Variants in PLCB1 observed in about 807,000 individuals in gnomAD.
The protein encoded by PLCB1 is 1-phosphatidylinositol 4,5-bisphosphate phosphodiesterase beta-1.
In PLCB1, 46 loss-of-function variants were observed where a neutral mutation model predicts 161.8. The ratio of observed to expected loss-of-function variants is 0.28; its 90% CI spans 0.22 to 0.36. PLCB1 has a LOEUF of 0.36. PLCB1 is among the 10% of genes least tolerant of loss of function. The pLI, the probability that PLCB1 is intolerant of heterozygous loss-of-function variation, is 1.00. For synonymous variants in PLCB1, 517 were observed against 503.7 expected, an observed-to-expected ratio of 1.03 and a Z score of -0.35; for missense variants, 1,016 against 1,472.5, an observed-to-expected ratio of 0.69 and a Z score of 5.07.
At position 8,824,207 on chromosome 20, in the gene PLCB1, A is replaced by G. The variant is rs552278111; in HGVS notation, c.3423+33946A>G. On this transcript the variant is annotated intron_variant, in intron 31 of 31. Transcript: ENST00000338037. The stretch of plus-strand genomic sequence containing the variant: ...TGTAAGTAGGACACACATTGCCTAG[A>G]GTGGTCCGGCTCTGTCCTTTGCCAT... Among the ~76,000 whole-genome samples the G allele has an allele frequency of 2.1e-4, 32 of 152,280 alleles. No homozygotes were observed. The South Asian group carries it at 5.2e-3, about 25-fold the overall frequency.
chr20:8,811,100 A>G (rs906115071), intron 31 of PLCB1, among the ~76,000 whole-genome samples: 4 of 152,230 alleles, frequency 2.6e-5, no homozygotes, highest in Non-Finnish European at 4.4e-5. Flanking sequence ...GTGCATGAGT[A>G]TGAAGGGCAT....
chr20:8,244,795 A>G (rs1980797109), intron 2 of PLCB1, among the ~76,000 whole-genome samples: 1 of 151,924 alleles, frequency 6.6e-6, no homozygotes, highest in South Asian at 2.1e-4. Context: ...CCAATTCCAC[A>G]GAGAAGAGAG....
At chr20:8,726,401 A>G (rs1281398575) in intron 16 of PLCB1, among the ~76,000 whole-genome samples, 1 of 152,102 alleles carries the variant, frequency 6.6e-6, no homozygotes, top group African/African-American at 2.4e-5. Flanking sequence ...TTATTAGTCC[A>G]TTCTCGTGCT....
intron 2 of PLCB1, among the ~76,000 whole-genome samples, chr20:8,362,491 C>T (rs923854282): frequency 6.6e-6 from 1 of 152,148 alleles, no homozygotes; most frequent in Non-Finnish European, 1.5e-5. Flanking sequence ...AAGTTTTATT[C>T]ATTTTACCTC....
chr20:8,273,105 A>C (rs1482736089), intron 2 of PLCB1, among the ~76,000 whole-genome samples: 1 of 152,214 alleles, frequency 6.6e-6, no homozygotes, highest in African/African-American at 2.4e-5. Flanking sequence ...AATAATGAAC[A>C]ACAAAGATTG....
At chr20:8,250,517 C>G (rs1458654658) in intron 2 of PLCB1, among the ~76,000 whole-genome samples, 1 of 151,712 alleles carries the variant, frequency 6.6e-6, no homozygotes, top group Admixed American at 6.6e-5. Flanking sequence ...CTTTTGCCAT[C>G]TTTGAGTGGC....
intron 2 of PLCB1, among the ~76,000 whole-genome samples, chr20:8,285,971 T>C (rs1983099328): frequency 6.6e-6 from 1 of 152,230 alleles, no homozygotes; most frequent in African/African-American, 2.4e-5. Flanking sequence ...ATTAGTCCTT[T>C]CATATAGTAG....
In PLCB1 at chr20:8,859,731, A is replaced by G. The variant is rs184648833; in HGVS notation, c.3424-21891A>G. On this transcript the variant is annotated intron_variant, in intron 31 of 31. Transcript: ENST00000338037. ...CAGGGTAGACTCTAGCTTGGGGTCT[A>G]TTGGAGCAAGTTAAATGTCTTCAAA... 1.2e-4 allele frequency among the ~76,000 whole-genome samples: 19 copies of G among 152,042 alleles called. No individual in the cohort carries two copies. The East Asian group carries it at 2.5e-3, about 20-fold the overall frequency.
At chr20:8,539,431 T>C (rs1190844137) in intron 3 of PLCB1, among the ~76,000 whole-genome samples, 2 of 152,172 alleles carry the variant, frequency 1.3e-5, no homozygotes, top group African/African-American at 4.8e-5. Context: ...CCAATGGACA[T>C]ATATTTAGCA....
chr20:8,793,133 A>G (rs909845913), intron 31 of PLCB1, among the ~76,000 whole-genome samples: 1 of 152,212 alleles, frequency 6.6e-6, no homozygotes, highest in African/African-American at 2.4e-5. Flanking sequence ...CAAGGAAATG[A>G]AACTGATCAA....
intron 2 of PLCB1, among the ~76,000 whole-genome samples, chr20:8,158,223 C>T (rs1030965970): frequency 2.0e-5 from 3 of 152,226 alleles, no homozygotes; most frequent in East Asian, 1.9e-4. Flanking sequence ...ATAGAATCCC[C>T]GGGTACTTGG....
chr20:8,371,144 G>A, intron 2 of PLCB1: 2 of 470,844 alleles, frequency 4.2e-6, no homozygotes, highest in Admixed American at 3.9e-5. Flanking sequence ...AGGATAGACT[G>A]GGGACATAAC....
chr20:8,324,254 A>G (rs924119072), intron 2 of PLCB1, among the ~76,000 whole-genome samples: 7 of 150,240 alleles, frequency 4.7e-5, no homozygotes, highest in African/African-American at 1.7e-4. Flanking sequence ...CTACGTGACA[A>G]GGATTATTTA....
intron 3 of PLCB1, among the ~76,000 whole-genome samples, chr20:8,585,092 G>T (rs2123091491): frequency 6.6e-6 from 1 of 152,124 alleles, no homozygotes; most frequent in East Asian, 1.9e-4. Flanking sequence ...GGGTGCTCTT[G>T]CCCATGCCAT....
intron 3 of PLCB1, among the ~76,000 whole-genome samples, chr20:8,517,893 T>C (rs1984199767): frequency 6.6e-6 from 1 of 152,168 alleles, no homozygotes; most frequent in Non-Finnish European, 1.5e-5. Flanking sequence ...ATTAAAAGTT[T>C]ATCTTCCTGG....
At chr20:8,408,523 A>G (rs1978889129) in intron 3 of PLCB1, among the ~76,000 whole-genome samples, 1 of 152,198 alleles carries the variant, frequency 6.6e-6, no homozygotes, top group African/African-American at 2.4e-5. Context: ...TTTAAAAAAA[A>G]AAATCAGATT....
intron 2 of PLCB1, among the ~76,000 whole-genome samples, chr20:8,169,385 T>G (rs1378630218): frequency 6.6e-6 from 1 of 152,110 alleles, no homozygotes; most frequent in Admixed American, 6.6e-5. Flanking sequence ...TTCTACAAAC[T>G]AGAAATAATA....
rs368791318 is a variant in PLCB1 at position 8,704,984 on chromosome 20, C to CTTTTTTTTTTTTTTTTTTTTTTTTT, written c.1168-3673_1168-3672insTTTTTTTTTTTTTTTTTTTTTTTTT. ...CAGAAACAGCAAATTCTCCTTTACT[C>CTTTTTTTTTTTTTTTTTTTTTTTTT]TTTTTTTTTTTTTCCTATTCAGGCT... is the stretch of plus-strand genomic sequence containing the variant. On this transcript the variant is annotated intron_variant, in intron 11 of 31. Coordinates refer to ENST00000338037, the MANE Select transcript of PLCB1 (RefSeq NM_015192.4). Among the ~76,000 whole-genome samples the CTTTTTTTTTTTTTTTTTTTTTTTTT allele has an allele frequency of 2.5e-5, 3 of 118,806 alleles. 1 individual carries two copies. The highest frequency in any genetic ancestry group is 6.6e-5 in the African/African-American group (2 of 30,114). The allele number at this position is 118,806 out of a possible 152,430, so 77.9% of individuals were successfully genotyped here.
At chr20:8,261,066 C>T (rs1981666183) in intron 2 of PLCB1, among the ~76,000 whole-genome samples, 1 of 152,152 alleles carries the variant, frequency 6.6e-6, no homozygotes, top group Admixed American at 6.6e-5. Context: ...CGGGTGGGGA[C>T]TAAATTTCAT....
Sources: gnomAD v4.1 joint callset for allele counts (sites outside exome capture counted in the v4.1 genomes callset) on GRCh38, gnomAD v4.1.1 for gene constraint, MANE v1.5 for transcripts, NCBI Gene and HGNC (gene_info 2026-07-23, HGNC 2026-07-21) for gene names.